SMYD3: variants seen among roughly 807,000 people sequenced by gnomAD.
The protein encoded by SMYD3 is SET and MYND domain containing 3, also known as histone-lysine N-methyltransferase SMYD3.
In SMYD3, 36 loss-of-function variants were observed where a neutral mutation model predicts 57.7. The observed-to-expected ratio is 0.62, with a 90% confidence interval of 0.48 to 0.82. The LOEUF (loss-of-function observed/expected upper bound fraction) is 0.82, where lower values mean the gene tolerates loss of function less well. Among genes scored for constraint, SMYD3 ranks in the 40% least tolerant of loss-of-function variants. The pLI is 0.00. For synonymous variants in SMYD3, 211 were observed against 195.0 expected (o/e 1.08, Z -0.68); for missense variants, 515 against 538.8 (o/e 0.96, Z 0.44).
chr1:246,343,203 T>C (rs2065658579), intron 2 of SMYD3, among the ~76,000 whole-genome samples: 1 of 152,224 alleles, frequency 6.6e-6, no homozygotes, highest in Admixed American at 6.5e-5. Context: ...ATTGATAGTT[T>C]GGCTGGAAAG....
At chr1:246,469,466 A>G (rs1470913650) in intron 1 of SMYD3, among the ~76,000 whole-genome samples, 1 of 152,192 alleles carries the variant, frequency 6.6e-6, no homozygotes, top group East Asian at 1.9e-4. Context: ...TTGTCATTCC[A>G]GAGAGTAAGA....
At chr1:246,329,800 C>A (rs2065428946) in intron 4 of SMYD3, among the ~76,000 whole-genome samples, 1 of 152,260 alleles carries the variant, frequency 6.6e-6, no homozygotes, top group East Asian at 1.9e-4. Context: ...TAAATCTGTA[C>A]TAGATCATCT....
At chr1:246,101,389 C>T (rs1266473299) in intron 5 of SMYD3, among the ~76,000 whole-genome samples, 6 of 152,102 alleles carry the variant, frequency 3.9e-5, no homozygotes, top group African/African-American at 1.2e-4. Context: ...TTTATCTGCT[C>T]CTCTTCCAGC....
chr1:246,215,361 T>G (rs1180135690), intron 5 of SMYD3, among the ~76,000 whole-genome samples: 1 of 152,102 alleles, frequency 6.6e-6, no homozygotes, highest in African/African-American at 2.4e-5. Flanking sequence ...TGGGGCTTCA[T>G]GCATGTAGTT....
intron 8 of SMYD3, among the ~76,000 whole-genome samples, chr1:245,883,609 C>T (rs2052915795): frequency 6.6e-6 from 1 of 152,176 alleles, no homozygotes; most frequent in Non-Finnish European, 1.5e-5. Context: ...ACTATTACTT[C>T]TTTCTGACCA....
chr1:246,307,505 C>T (rs967140580), intron 5 of SMYD3, among the ~76,000 whole-genome samples: 22 of 149,970 alleles, frequency 1.5e-4, no homozygotes, highest in South Asian at 1.1e-3. Context: ...CTGCAAGCTC[C>T]GCCTCCCGGG....
chr1:246,180,593 T>A (rs2062528504), intron 5 of SMYD3, among the ~76,000 whole-genome samples: 1 of 149,504 alleles, frequency 6.7e-6, no homozygotes. Flanking sequence ...CCATCTCTAC[T>A]AAAAATACAA....
intron 5 of SMYD3, among the ~76,000 whole-genome samples, chr1:246,156,220 G>A (rs1435134020): frequency 2.6e-5 from 4 of 152,060 alleles, no homozygotes; most frequent in Non-Finnish European, 5.9e-5. Flanking sequence ...CTTTCCATCA[G>A]AAAGCTCTTT....
At chr1:245,802,886 G>C (rs2047941277) in intron 10 of SMYD3, among the ~76,000 whole-genome samples, 1 of 152,114 alleles carries the variant, frequency 6.6e-6, no homozygotes, top group Non-Finnish European at 1.5e-5. Context: ...CTTGTTGAGG[G>C]GCTGCCATCA....
intron 5 of SMYD3, among the ~76,000 whole-genome samples, chr1:246,108,236 T>C (rs1181483242): frequency 4.6e-5 from 7 of 152,184 alleles, no homozygotes; most frequent in Non-Finnish European, 1.0e-4. Context: ...TCAGAGGCTG[T>C]GGAACAAGAA....
At chr1:245,850,813 G>C (rs1013471222) in intron 10 of SMYD3, among the ~76,000 whole-genome samples, 1 of 152,196 alleles carries the variant, frequency 6.6e-6, no homozygotes, top group African/African-American at 2.4e-5. Flanking sequence ...TGGCTTCTGG[G>C]AGAAGGCATC....
chr1:246,311,934 C>G (rs2065087480), intron 5 of SMYD3, among the ~76,000 whole-genome samples: 1 of 152,078 alleles, frequency 6.6e-6, no homozygotes, highest in Admixed American at 6.5e-5. Context: ...GGCAATGCAA[C>G]AATGGGAAGG....
chr1:246,264,817 A>T (rs888590058), intron 5 of SMYD3, among the ~76,000 whole-genome samples: 1 of 152,200 alleles, frequency 6.6e-6, no homozygotes, highest in Non-Finnish European at 1.5e-5. Flanking sequence ...GACAGTGGGG[A>T]TAGTGACAAC....
chr1:246,088,380 C>T (rs547313992), intron 5 of SMYD3, among the ~76,000 whole-genome samples: 7 of 151,706 alleles, frequency 4.6e-5, no homozygotes, highest in Admixed American at 6.6e-5. Context: ...GAGGCTGAGG[C>T]GGGCGGATCA....
At chr1:245,757,562 C>T (rs1426582211) in intron 11 of SMYD3, among the ~76,000 whole-genome samples, 8 of 151,966 alleles carry the variant, frequency 5.3e-5, no homozygotes, top group Non-Finnish European at 8.8e-5. Flanking sequence ...GAAGCTTTTG[C>T]TCATATGTTT....
At chr1:246,445,022 C>T (rs754716853) in intron 1 of SMYD3, among the ~76,000 whole-genome samples, 4 of 152,162 alleles carry the variant, frequency 2.6e-5, no homozygotes, top group African/African-American at 7.2e-5. Context: ...GTTCCCTCCT[C>T]TTTAAGACAG....
chr1:245,870,535 C>T (rs2052128730), intron 8 of SMYD3, among the ~76,000 whole-genome samples: 1 of 152,154 alleles, frequency 6.6e-6, no homozygotes, highest in East Asian at 1.9e-4. Context: ...AGTGAGGCCA[C>T]CTACATTCCT....
intron 5 of SMYD3, among the ~76,000 whole-genome samples, chr1:246,140,156 A>G (rs1010867232): frequency 1.3e-5 from 2 of 152,234 alleles, no homozygotes; most frequent in Non-Finnish European, 2.9e-5. Context: ...GTAATGGTCA[A>G]TGAGGTACAA....
chr1:245,879,104 G>A (rs1297933758), intron 8 of SMYD3, among the ~76,000 whole-genome samples: 1 of 152,200 alleles, frequency 6.6e-6, no homozygotes, highest in Non-Finnish European at 1.5e-5. Flanking sequence ...TCTTGATAAT[G>A]AGGGCACGGT....
Sources: allele counts gnomAD v4.1 joint callset (sites outside exome capture counted in the v4.1 genomes callset), GRCh38; gene constraint gnomAD v4.1.1; transcripts MANE v1.5; gene names NCBI Gene and HGNC (gene_info 2026-07-23, HGNC 2026-07-21).